The following DTNA variants were observed in gnomAD, a reference collection of about 807,000 sequenced individuals.
The protein encoded by DTNA is dystrophin-related protein 3.
A neutral mutation model predicts 100.7 loss-of-function variants in DTNA; 43 were observed. The ratio of observed to expected loss-of-function variants is 0.43; its 90% CI spans 0.33 to 0.55. The LOEUF (loss-of-function observed/expected upper bound fraction) is 0.55, where lower values mean the gene tolerates loss of function less well. Ranked by LOEUF, DTNA falls within the 20% of genes least tolerant of loss-of-function variation. The pLI is 0.04. For missense variants in DTNA, 798 were observed against 953.9 expected (o/e 0.84, Z 2.15); for synonymous variants, 349 against 347.9 (o/e 1.00, Z -0.04).
At position 34,881,293 on chromosome 18, in the gene DTNA, C is replaced by CT. The variant is rs1448289210; in HGVS notation, c.2163-775dup. On this transcript the variant is annotated intron_variant, in intron 20 of 22. Coordinates refer to ENST00000444659, the MANE Select transcript of DTNA (RefSeq NM_001386795.1). ...GTTTTACCCTGAGACTCTTTTAGTCCTATGATTTAGGTAGTGAGTTTATGT... is the reference window on the plus strand; with the variant it reads ...GTTTTACCCTGAGACTCTTTTAGTCCTTATGATTTAGGTAGTGAGTTTATGT... Among the ~76,000 whole-genome samples the CT allele has an allele frequency of 3.3e-5, 5 of 152,082 alleles. No individual in the cohort carries two copies. The East Asian group carries it at 9.6e-4, about 29-fold the overall frequency.
At chr18:34,563,291 C>T (rs981477807) in intron 1 of DTNA, among the ~76,000 whole-genome samples, 3 of 152,166 alleles carry the variant, frequency 2.0e-5, no homozygotes, top group Non-Finnish European at 2.9e-5. Flanking sequence ...TGCCACAAGC[C>T]AAGGAATGTC....
At chr18:34,879,189 G>A (rs1332512033) in intron 19 of DTNA, among the ~76,000 whole-genome samples, 2 of 152,086 alleles carry the variant, frequency 1.3e-5, no homozygotes, top group African/African-American at 4.8e-5. Flanking sequence ...TTATGGTTAG[G>A]ATTAGGTTTT....
At chr18:34,664,573 G>T (rs576573566) in intron 1 of DTNA, among the ~76,000 whole-genome samples, 12 of 152,170 alleles carry the variant, frequency 7.9e-5, no homozygotes, top group African/African-American at 2.9e-4. Context: ...TGCTACACCA[G>T]CCTTCCAAAC....
intron 1 of DTNA, among the ~76,000 whole-genome samples, chr18:34,673,860 G>A (rs971722812): frequency 3.9e-5 from 6 of 152,074 alleles, no homozygotes; most frequent in Admixed American, 6.5e-5. Flanking sequence ...GAATAAAACC[G>A]AATTCTCTGC....
At chr18:34,698,488 T>C (rs1159837964) in intron 1 of DTNA, among the ~76,000 whole-genome samples, 2 of 152,234 alleles carry the variant, frequency 1.3e-5, no homozygotes, top group Non-Finnish European at 2.9e-5. Flanking sequence ...TTCACATGGC[T>C]TCCCCCGTTT....
intron 3 of DTNA, among the ~76,000 whole-genome samples, chr18:34,775,504 A>G (rs1259159780): frequency 6.6e-6 from 1 of 152,128 alleles, no homozygotes; most frequent in Non-Finnish European, 1.5e-5. Flanking sequence ...AAATAAATAA[A>G]TAAATAAAAA....
intron 1 of DTNA, among the ~76,000 whole-genome samples, chr18:34,512,532 A>G (rs1197833009): frequency 6.6e-6 from 1 of 152,024 alleles, no homozygotes; most frequent in African/African-American, 2.4e-5. Context: ...ATAAACATTA[A>G]CCTTCCATCT....
At chr18:34,817,044 G>A (rs546127492) in intron 7 of DTNA, among the ~76,000 whole-genome samples, 2 of 152,278 alleles carry the variant, frequency 1.3e-5, no homozygotes, top group African/African-American at 4.8e-5. Flanking sequence ...ACTGTTTACA[G>A]TTCTAGAACT....
At chr18:34,749,487 G>T (rs1266877918) in intron 1 of DTNA, among the ~76,000 whole-genome samples, 2 of 151,770 alleles carry the variant, frequency 1.3e-5, no homozygotes, top group Non-Finnish European at 2.9e-5. Context: ...GTAGGTCCAG[G>T]TATTTGCATT....
chr18:34,673,121 C>T (rs2076972327), intron 1 of DTNA, among the ~76,000 whole-genome samples: 1 of 152,088 alleles, frequency 6.6e-6, no homozygotes, highest in Non-Finnish European at 1.5e-5. Context: ...GGATCTCACT[C>T]TGTCACTCAG....
At chr18:34,554,983 C>T (rs1446058984) in intron 1 of DTNA, among the ~76,000 whole-genome samples, 137 of 132,058 alleles carry the variant, frequency 1.0e-3, no homozygotes, top group African/African-American at 3.7e-3. Context: ...TGGTAGAATT[C>T]GGCTGTGAAT....
intron 1 of DTNA, among the ~76,000 whole-genome samples, chr18:34,750,493 T>C (rs2092211515): frequency 6.6e-6 from 1 of 152,188 alleles, no homozygotes; most frequent in Non-Finnish European, 1.5e-5. Flanking sequence ...AAATCTTAAT[T>C]TGCATTGAAC....
intron 6 of DTNA, among the ~76,000 whole-genome samples, chr18:34,813,076 A>G (rs1046687795): frequency 1.3e-5 from 2 of 152,012 alleles, no homozygotes; most frequent in African/African-American, 4.8e-5. Context: ...ATGTAGAGAG[A>G]CTCCAGGCCC....
rs527269153 is a variant in DTNA, at chr18:34,557,006, A to T, written c.-2+63492A>T. ...CATTCTCCCCATCACTTTCAGGTAC[A>T]CCAATCAGACGTAGATTTGGTCTTT... On this transcript the variant is annotated intron_variant, in intron 1 of 19. Coordinates refer to the DTNA transcript ENST00000283365. 2.5e-4 allele frequency among the ~76,000 whole-genome samples: 37 copies of T among 149,592 alleles called. 1 individual carries two copies. The highest frequency in any genetic ancestry group is 7.8e-4 in the African/African-American group (31 of 39,962).
At chr18:34,703,799 G>T (rs944430015) in intron 1 of DTNA, among the ~76,000 whole-genome samples, 8 of 152,154 alleles carry the variant, frequency 5.3e-5, no homozygotes, top group African/African-American at 1.9e-4. Context: ...TCATTTAAGT[G>T]TATAGAATGA....
At chr18:34,697,411 C>T (rs940672835) in intron 1 of DTNA, among the ~76,000 whole-genome samples, 2 of 152,186 alleles carry the variant, frequency 1.3e-5, no homozygotes, top group Non-Finnish European at 2.9e-5. Context: ...TTTGTCTCCA[C>T]AGGGCCCCTA....
intron 1 of DTNA, among the ~76,000 whole-genome samples, chr18:34,505,450 C>A (rs746639275): frequency 2.0e-5 from 3 of 152,164 alleles, no homozygotes; most frequent in Non-Finnish European, 2.9e-5. Context: ...AGCCATTCTG[C>A]TGAATATCTT....
At chr18:34,751,222 A>G (rs76258165) in intron 1 of DTNA, among the ~76,000 whole-genome samples, 118 of 152,378 alleles carry the variant, frequency 7.7e-4, no homozygotes, top group African/African-American at 2.7e-3. Flanking sequence ...ACCAAGTCCT[A>G]TCAAATGTGT....
intron 13 of DTNA, among the ~76,000 whole-genome samples, chr18:34,845,399 A>G (rs1461654321): frequency 6.6e-6 from 1 of 152,166 alleles, no homozygotes; most frequent in Non-Finnish European, 1.5e-5. Flanking sequence ...CCTTCATATT[A>G]CTTACACTAG....
Sources: allele counts gnomAD v4.1 joint callset (sites outside exome capture counted in the v4.1 genomes callset), GRCh38; gene constraint gnomAD v4.1.1; transcripts MANE v1.5; gene names NCBI Gene and HGNC (gene_info 2026-07-23, HGNC 2026-07-21).